STPG2: variants seen among roughly 807,000 people sequenced by gnomAD.
STPG2 encodes sperm-tail PG-rich repeat-containing protein 2.
In STPG2, 56 loss-of-function variants were observed where a neutral mutation model predicts 54.2. The ratio of observed to expected loss-of-function variants is 1.03; its 90% CI spans 0.83 to 1.29. The LOEUF (loss-of-function observed/expected upper bound fraction) is 1.29. STPG2 is among the 50% of genes most tolerant of loss of function. The pLI, the probability that STPG2 is intolerant of heterozygous loss-of-function variation, is 0.00. For missense variants in STPG2, 596 were observed against 544.9 expected (o/e 1.09, Z -0.93); for synonymous variants, 200 against 181.8 (o/e 1.10, Z -0.81).
chr4:97,883,409 T>G (rs991134856), intron 8 of STPG2, among the ~76,000 whole-genome samples: 2 of 148,136 alleles, frequency 1.4e-5, no homozygotes, highest in African/African-American at 2.5e-5. Flanking sequence ...AAAAAAAAAA[T>G]AGAGAGAGAG....
rs1491552243 is a variant in STPG2, at chr4:97,703,670, AAT to A, written c.1320+9027_1320+9028del. Among the ~76,000 whole-genome samples, 17 of 115,700 alleles carry A rather than the reference AAT, an allele frequency of 1.5e-4. No homozygotes were observed. In the South Asian group the frequency reaches 3.4e-3, roughly 23 times the overall value. 75.9% of individuals were successfully genotyped at this position (115,700 alleles called of 152,430 possible). ...ACATATATAAATAAAACATATATAA[AAT>A]ATATATAGTATATATATTTAGTATA... is the stretch of plus-strand genomic sequence containing the variant. On this transcript the variant is annotated intron_variant, in intron 10 of 10. Coordinates refer to ENST00000295268, the MANE Select transcript of STPG2 (RefSeq NM_174952.3).
chr4:97,603,629 C>T (rs549496343), intron 10 of STPG2, among the ~76,000 whole-genome samples: 62 of 150,894 alleles, frequency 4.1e-4, no homozygotes, highest in Admixed American at 4.0e-3. Context: ...ATATATATAT[C>T]GTTATATATA....
intron 5 of STPG2, among the ~76,000 whole-genome samples, chr4:98,076,524 A>T (rs1392669834): frequency 6.6e-6 from 1 of 152,216 alleles, no homozygotes; most frequent in Non-Finnish European, 1.5e-5. Context: ...TAGAGATTTT[A>T]GAAGAATTAA....
intron 3 of STPG2, among the ~76,000 whole-genome samples, chr4:98,120,762 T>C (rs1000000990): frequency 1.3e-5 from 2 of 152,192 alleles, no homozygotes; most frequent in Admixed American, 6.5e-5. Flanking sequence ...GGGTTGTTTT[T>C]TATTGTAAAT....
chr4:97,966,610 G>C (rs1734107942), intron 7 of STPG2, among the ~76,000 whole-genome samples: 1 of 152,112 alleles, frequency 6.6e-6, no homozygotes, highest in African/African-American at 2.4e-5. Flanking sequence ...AAAATGTTAA[G>C]GGCAGCCAGA....
At chr4:98,104,804 T>C (rs1362425264) in intron 5 of STPG2, among the ~76,000 whole-genome samples, 2 of 152,200 alleles carry the variant, frequency 1.3e-5, no homozygotes, top group African/African-American at 2.4e-5. Context: ...AAACTGTACA[T>C]TAGATCTCAC....
intron 10 of STPG2, among the ~76,000 whole-genome samples, chr4:97,603,231 T>C (rs758307843): frequency 4.4e-4 from 67 of 151,510 alleles, no homozygotes; most frequent in Non-Finnish European, 7.4e-4. Flanking sequence ...ATATTACATA[T>C]CAGGGAAATA....
chr4:97,933,721 T>G (rs893964311), intron 8 of STPG2, among the ~76,000 whole-genome samples: 6 of 152,222 alleles, frequency 3.9e-5, no homozygotes, highest in Non-Finnish European at 7.3e-5. Flanking sequence ...CGTTGATCTA[T>G]GTGTCTCCTT....
rs563803557 is a variant in STPG2 at position 98,022,810 on chromosome 4, C to T, written c.613-41492G>A. Reference sequence around the variant, plus strand: ...TACCCTTTCTTCCAGTTGATCGCATCGGCTCCTGAGGCTTCTGCATTCTTC... The same window carrying T: ...TACCCTTTCTTCCAGTTGATCGCATTGGCTCCTGAGGCTTCTGCATTCTTC... On this transcript the variant is annotated intron_variant, in intron 5 of 10. Coordinates refer to ENST00000295268, the MANE Select transcript of STPG2 (RefSeq NM_174952.3). 3.3e-4 allele frequency among the ~76,000 whole-genome samples: 50 copies of T among 152,300 alleles called. No homozygotes were observed. The East Asian group carries it at 7.1e-3, about 22-fold the overall frequency.
intron 4 of STPG2, among the ~76,000 whole-genome samples, chr4:97,505,229 T>C (rs937494524): frequency 6.6e-6 from 1 of 151,976 alleles, no homozygotes; most frequent in African/African-American, 2.4e-5. Context: ...TGGAAAATCC[T>C]TGTGTTTAAA....
At chr4:97,809,889 T>C (rs1366499357) in intron 9 of STPG2, among the ~76,000 whole-genome samples, 1 of 152,068 alleles carries the variant, frequency 6.6e-6, no homozygotes, top group African/African-American at 2.4e-5. Flanking sequence ...TTGTGGCAAT[T>C]TGTTACACAG....
chr4:97,882,434 G>A (rs571744918), intron 8 of STPG2, among the ~76,000 whole-genome samples: 2 of 152,242 alleles, frequency 1.3e-5, no homozygotes, highest in South Asian at 4.1e-4. Flanking sequence ...GCAGATCCCT[G>A]GAGAAAGAAA....
At chr4:97,759,386 AT>A (rs1725823179) in intron 9 of STPG2, among the ~76,000 whole-genome samples, 1 of 152,176 alleles carries the variant, frequency 6.6e-6, no homozygotes, top group Non-Finnish European at 1.5e-5. Context: ...ATTCTGCTGT[AT>A]AAGGTACTTT....
At chr4:97,510,693 C>A (rs992104591) in intron 4 of STPG2, among the ~76,000 whole-genome samples, 4 of 152,100 alleles carry the variant, frequency 2.6e-5, no homozygotes, top group African/African-American at 9.7e-5. Flanking sequence ...AAGGAGCACA[C>A]AACCTAGATC....
chr4:97,859,343 C>T (rs1694053682), intron 8 of STPG2, among the ~76,000 whole-genome samples: 2 of 152,068 alleles, frequency 1.3e-5, no homozygotes, highest in South Asian at 2.1e-4. Context: ...CTCTTTTCTC[C>T]CACTCTGTGG....
intron 5 of STPG2, among the ~76,000 whole-genome samples, chr4:98,064,876 T>G (rs777686447): frequency 1.7e-4 from 26 of 152,252 alleles, no homozygotes; most frequent in Non-Finnish European, 2.4e-4. Context: ...TTAAAAAATT[T>G]TATAAAATCA....
Position 97,747,176 on chromosome 4 carries a change from A to G in STPG2, c.1205-34362T>C, listed in dbSNP as rs112486445. On this transcript the variant is annotated intron_variant, in intron 9 of 10. Transcript: ENST00000295268. The stretch of plus-strand genomic sequence containing the variant: ...GTGGAGACAGCAAGGGATAAGAGAC[A>G]TTGGAAATAAGTATCATGTCAACCA... 8.0e-4 allele frequency among the ~76,000 whole-genome samples: 121 copies of G among 151,502 alleles called. 3 individuals carry two copies. The East Asian group carries it at 0.021, about 27-fold the overall frequency.
At chr4:97,646,254 T>C (rs1333270977) in intron 10 of STPG2, among the ~76,000 whole-genome samples, 3 of 152,198 alleles carry the variant, frequency 2.0e-5, no homozygotes, top group Non-Finnish European at 2.9e-5. Flanking sequence ...CAAGGCTATA[T>C]GCAGGAAAGT....
At chr4:98,014,389 G>A (rs1308594864) in intron 5 of STPG2, among the ~76,000 whole-genome samples, 5 of 152,022 alleles carry the variant, frequency 3.3e-5, no homozygotes, top group African/African-American at 7.2e-5. Flanking sequence ...GCAACACACT[G>A]CTCTTCCTTC....
Sources: allele counts gnomAD v4.1 joint callset (sites outside exome capture counted in the v4.1 genomes callset), GRCh38; gene constraint gnomAD v4.1.1; transcripts MANE v1.5; gene names NCBI Gene and HGNC (gene_info 2026-07-23, HGNC 2026-07-21).